Variants in GID4 observed in about 807,000 individuals in gnomAD.
GID4 encodes GID complex subunit 4 homolog, also known as glucose-induced degradation protein 4 homolog.
In GID4, 7 loss-of-function variants were observed where a neutral mutation model predicts 32.4. That is an observed-to-expected ratio of 0.22 (90% CI 0.12 to 0.41). GID4 has a LOEUF of 0.41. Ranked by LOEUF, GID4 falls within the 10% of genes least tolerant of loss-of-function variation. The probability of loss-of-function intolerance (pLI) is 1.00; values close to 1 mark genes in which losing one functional copy is unlikely to be tolerated. For missense variants in GID4, 309 were observed against 400.0 expected (o/e 0.77, Z 1.94); for synonymous variants, 166 against 170.0 (o/e 0.98, Z 0.18).
chr17:18,048,560 C>G (rs1228804092), intron 2 of GID4, among the ~76,000 whole-genome samples: 3 of 152,192 alleles, frequency 2.0e-5, no homozygotes, highest in African/African-American at 7.2e-5. Context: ...CAGAAAACTA[C>G]AATGAATCTT....
rs1296068273 is a variant in GID4 at position 18,039,976 on chromosome 17, G to C, written c.438+74G>C. The C allele has an allele frequency of 1.6e-5, 20 of 1,273,224 alleles. No individual in the cohort carries two copies. The highest frequency in any genetic ancestry group is 1.9e-5 in the Non-Finnish European group (19 of 1,006,080). The allele number at this position is 1,273,224 out of a possible 1,614,324, so 78.9% of individuals were successfully genotyped here. On this transcript the variant is annotated intron_variant, in intron 1 of 5. Coordinates refer to ENST00000268719, the MANE Select transcript of GID4 (RefSeq NM_024052.5). This position sits in a 1 kb window ranked among gnomAD's most constrained non-coding sequence, Gnocchi z 5.3. ...CGGGCCGTGCCCGCTTCGGCTCCTC[G>C]ACCCCGCAGCCGCGGAACAGGCCCT...
chr17:18,051,544 T>C (rs2044909746), intron 2 of GID4, among the ~76,000 whole-genome samples: 1 of 151,720 alleles, frequency 6.6e-6, no homozygotes, highest in Admixed American at 6.6e-5. Context: ...CACGTGGTGG[T>C]GGATACCTGT....
chr17:18,048,458 G>T lies in GID4; in HGVS notation c.498+3252G>T, dbSNP rs150953716. Among the ~76,000 whole-genome samples the T allele has an allele frequency of 6.5e-3, 988 of 152,256 alleles. 10 individuals are homozygous for T. The highest frequency in any genetic ancestry group is 0.023 in the African/African-American group (954 of 41,532). ...TCCACCCTCCTTGGCCTCCCAAAGT[G>T]TTGGGATTACAGGCGTGAGCCAACG... On this transcript the variant is annotated intron_variant, in intron 2 of 5. Transcript: ENST00000268719.
intron 2 of GID4, among the ~76,000 whole-genome samples, chr17:18,050,687 G>A (rs1432345429): frequency 3.3e-5 from 5 of 152,224 alleles, no homozygotes; most frequent in Non-Finnish European, 7.3e-5. Flanking sequence ...CCAATTGAAT[G>A]TTAATCCTCC....
chr17:18,068,033 C>T lies in GID4; in HGVS notation c.*2790C>T, dbSNP rs1205591710. 1 of 152,550 alleles carries T rather than the reference C, an allele frequency of 6.6e-6. No individual in the cohort carries two copies. Among genetic ancestry groups the T allele is most frequent in the African/African-American group, 2.4e-5 (1 of 41,400 alleles). The allele number at this position is 152,550 out of a possible 1,614,324, so 9.4% of individuals were successfully genotyped here. On this transcript the variant is annotated 3_prime_UTR_variant, in exon 6 of 6. Transcript: ENST00000268719. Reference sequence around the variant, plus strand: ...GTTGGTTATGTGGAAATCACAAACTCCAGAGGAGCAAAGGGGTTTTTCAAT... The same window carrying T: ...GTTGGTTATGTGGAAATCACAAACTTCAGAGGAGCAAAGGGGTTTTTCAAT...
At chr17:18,048,267 C>T (rs1343394504) in intron 2 of GID4, among the ~76,000 whole-genome samples, 1 of 151,960 alleles carries the variant, frequency 6.6e-6, no homozygotes, top group East Asian at 1.9e-4. Context: ...GTGATCTCAC[C>T]TTACCACAAC....
chr17:18,041,281 C>T (rs576275231), intron 1 of GID4, among the ~76,000 whole-genome samples: 1 of 151,958 alleles, frequency 6.6e-6, no homozygotes, highest in East Asian at 2.0e-4. Flanking sequence ...TCATTTAAAA[C>T]AAATCTTAGT....
chr17:18,044,922 A>G (rs1483499792), intron 1 of GID4, among the ~76,000 whole-genome samples: 2 of 152,158 alleles, frequency 1.3e-5, no homozygotes, highest in Non-Finnish European at 1.5e-5. Flanking sequence ...GTCTCATGAT[A>G]TTCAGCTGAA....
chr17:18,040,852 T>A (rs1315036106), intron 1 of GID4, among the ~76,000 whole-genome samples: 1 of 152,162 alleles, frequency 6.6e-6, no homozygotes, highest in Non-Finnish European at 1.5e-5. Flanking sequence ...TTAGTTCATG[T>A]CCAGTCGCCT....
chr17:18,044,977 G>T (rs1375645951), intron 1 of GID4, among the ~76,000 whole-genome samples, 170 bp from the exon 2 acceptor site: 2 of 152,214 alleles, frequency 1.3e-5, no homozygotes, highest in Non-Finnish European at 2.9e-5. Flanking sequence ...GGCAGAACAG[G>T]CATGTGTGTG....
In GID4 at chr17:18,053,901, T is replaced by G. The variant is rs1291357497; in HGVS notation, c.499-226T>G. Among the ~76,000 whole-genome samples the G allele has an allele frequency of 3.9e-5, 6 of 152,344 alleles. No homozygotes were observed. In the East Asian group the frequency reaches 1.2e-3, roughly 29 times the overall value. ...CAATTGAAGTCAAAGAAGGGCTGTCTGCTGCTGGCAAAATCCAGGAAACCC... is the reference window on the plus strand; with the variant it reads ...CAATTGAAGTCAAAGAAGGGCTGTCGGCTGCTGGCAAAATCCAGGAAACCC... On this transcript the variant is annotated intron_variant, in intron 2 of 5. Coordinates refer to ENST00000268719, the MANE Select transcript of GID4 (RefSeq NM_024052.5).
chr17:18,040,053 C>G, intron 1 of GID4, 151 bp downstream of exon 1: 3 of 1,099,376 alleles, frequency 2.7e-6, no homozygotes, highest in Non-Finnish European at 3.5e-6. Flanking sequence ...CCTTCCCAGC[C>G]TGTGTCTCAC....
intron 2 of GID4, among the ~76,000 whole-genome samples, chr17:18,049,733 G>A (rs574008913): frequency 7.9e-5 from 12 of 152,094 alleles, no homozygotes; most frequent in Non-Finnish European, 1.0e-4. Flanking sequence ...CTGCCTCCCA[G>A]GTTCAAGCAG....
At position 18,054,173 on chromosome 17, in the gene GID4, A is replaced by G. The variant is rs2044942347; in HGVS notation, c.545A>G (p.Lys182Arg). ...TTCTTCGAAGGAGAAATAATCAGCAAAAAACACCCTTTCTTAACTCGCAAG... is the reference window on the plus strand; with the variant it reads ...TTCTTCGAAGGAGAAATAATCAGCAGAAAACACCCTTTCTTAACTCGCAAG... ...TTFFEGEIIS[K>R]KHPFLTRKWD... The change falls in exon 3 of 6, where the codon AAA (lysine) becomes AGA (arginine). Residue 182 changes from lysine to arginine, a missense_variant. Physicochemically the swap from Lys to Arg is conservative, Grantham distance 26 (BLOSUM62 2). Around this residue, in one of 2 missense-constraint regions of GID4, gnomAD observed 116 missense variants for 214.2 expected, o/e 0.54. Coordinates refer to ENST00000268719, the MANE Select transcript of GID4 (RefSeq NM_024052.5). The G allele has an allele frequency of 6.2e-7, 1 of 1,613,432 alleles. No individual in the cohort carries two copies. The highest frequency in any genetic ancestry group is 1.7e-5 in the Admixed American group (1 of 59,974).
At chr17:18,062,220 T>A in intron 5 of GID4, 1 of 404,612 alleles carries the variant, frequency 2.5e-6, no homozygotes, top group Non-Finnish European at 4.5e-6. Flanking sequence ...TAAGCACTTT[T>A]AAGCAATACT....
intron 5 of GID4, 60 bp from the exon 6 acceptor site, chr17:18,065,120 G>A (rs1405232433): frequency 4.8e-6 from 6 of 1,250,874 alleles, no homozygotes; most frequent in Non-Finnish European, 7.1e-6. Flanking sequence ...GGTTACTAAT[G>A]TCCTTTGCTC....
intron 2 of GID4, among the ~76,000 whole-genome samples, chr17:18,049,335 C>CAA (rs756823895): frequency 2.6e-4 from 10 of 37,884 alleles, no homozygotes; most frequent in African/African-American, 8.0e-4. Flanking sequence ...GACTTCGTGT[C>CAA]AAAAAAAAAA....
At position 18,039,947 on chromosome 17, in the gene GID4, C is replaced by T; in HGVS notation, c.438+45C>T. Reference sequence around the variant, plus strand: ...GGGGCCCGAGGGCCTCCTCGCGGCGCTCACGGGCCGTGCCCGCTTCGGCTC... The same window carrying T: ...GGGGCCCGAGGGCCTCCTCGCGGCGTTCACGGGCCGTGCCCGCTTCGGCTC... On this transcript the variant is annotated intron_variant, in intron 1 of 5. Transcript: ENST00000268719. The surrounding 1 kb of genome is among the most constrained non-coding windows in gnomAD (Gnocchi z 5.3). 7.6e-7 allele frequency: 1 copy of T among 1,314,070 alleles called. No homozygotes were observed. Among genetic ancestry groups the T allele is most frequent in the Non-Finnish European group, 9.7e-7 (1 of 1,028,234 alleles). The allele number at this position is 1,314,070 out of a possible 1,614,324, so 81.4% of individuals were successfully genotyped here. A position where few individuals can be genotyped will look rare whatever the true frequency, so the allele number is the denominator to read the frequency against.
intron 1 of GID4, among the ~76,000 whole-genome samples, chr17:18,044,678 G>A (rs144526675): frequency 4.8e-4 from 73 of 152,288 alleles, no homozygotes; most frequent in African/African-American, 1.7e-3. Context: ...GTAAAAACTA[G>A]AAGAGGAGCA....
Sources: allele counts gnomAD v4.1 joint callset (sites outside exome capture counted in the v4.1 genomes callset), GRCh38; gene constraint gnomAD v4.1.1; regional missense constraint gnomAD v4.1.1; non-coding constraint Gnocchi (gnomAD v3.1); transcripts MANE v1.5; gene names NCBI Gene and HGNC (gene_info 2026-07-23, HGNC 2026-07-21).